Variants in EHBP1 observed in about 807,000 individuals in gnomAD.
The protein encoded by EHBP1 is EH domain-binding protein 1.
A neutral mutation model predicts 144.0 loss-of-function variants in EHBP1; 55 were observed. The ratio of observed to expected loss-of-function variants is 0.38; its 90% CI spans 0.31 to 0.48. The LOEUF (loss-of-function observed/expected upper bound fraction) is 0.48. Among genes scored for constraint, EHBP1 ranks in the 20% least tolerant of loss-of-function variants. The pLI is 0.98. For missense variants in EHBP1, 1,200 were observed against 1,364.2 expected (o/e 0.88, Z 1.90); for synonymous variants, 469 against 472.7 (o/e 0.99, Z 0.10).
intron 10 of EHBP1, among the ~76,000 whole-genome samples, chr2:62,937,855 G>T (rs2056481751): frequency 6.6e-6 from 1 of 152,098 alleles, no homozygotes; most frequent in African/African-American, 2.4e-5. Flanking sequence ...ACATCATTTT[G>T]TGTGTTCTTG....
chr2:62,704,967 C>A (rs868298339), upstream of EHBP1, among the ~76,000 whole-genome samples: 5 of 152,212 alleles, frequency 3.3e-5, 1 homozygote, highest in Middle Eastern at 0.017. Context: ...AGTCCGACAG[C>A]GAAGAGGAAA....
At chr2:62,759,248 A>G (rs2040558125) in intron 3 of EHBP1, among the ~76,000 whole-genome samples, 1 of 152,200 alleles carries the variant, frequency 6.6e-6, no homozygotes, top group African/African-American at 2.4e-5. Flanking sequence ...GATATTGGCA[A>G]ATGATTAAAT....
chr2:62,750,198 C>CT (rs1487401118), intron 3 of EHBP1, among the ~76,000 whole-genome samples: 4 of 151,990 alleles, frequency 2.6e-5, no homozygotes, highest in African/African-American at 9.7e-5. Flanking sequence ...AGCTTTCTAC[C>CT]TATGGCTAGC....
chr2:63,036,937 AT>A (rs1265271441), intron 19 of EHBP1, among the ~76,000 whole-genome samples: 4 of 149,880 alleles, frequency 2.7e-5, no homozygotes, highest in African/African-American at 7.3e-5. Context: ...TGTTCATTAA[AT>A]TTTTTTTTTC....
chr2:62,825,784 C>A (rs975502960), intron 5 of EHBP1, among the ~76,000 whole-genome samples: 21 of 152,006 alleles, frequency 1.4e-4, no homozygotes, highest in African/African-American at 5.1e-4. Flanking sequence ...CTCATAGTAA[C>A]CCTGGAGACT....
intron 2 of EHBP1, among the ~76,000 whole-genome samples, chr2:62,718,862 C>A (rs1453069265): frequency 6.6e-6 from 1 of 151,980 alleles, no homozygotes; most frequent in Non-Finnish European, 1.5e-5. Context: ...ATTTTAGCTG[C>A]CAAAATTAAC....
intron 1 of EHBP1, among the ~76,000 whole-genome samples, chr2:62,696,441 C>G (rs1334013968): frequency 4.0e-5 from 6 of 150,950 alleles, no homozygotes; most frequent in African/African-American, 7.3e-5. Flanking sequence ...GCTACCATGC[C>G]CAGCTTTTTT....
chr2:62,947,919 G>A (rs546254656), intron 12 of EHBP1, among the ~76,000 whole-genome samples: 1 of 152,194 alleles, frequency 6.6e-6, no homozygotes, highest in Admixed American at 6.5e-5. Context: ...GAAAAGAGAG[G>A]TTGATAGAAA....
chr2:62,819,747 G>A (rs2045749173), intron 5 of EHBP1, among the ~76,000 whole-genome samples: 1 of 149,964 alleles, frequency 6.7e-6, no homozygotes, highest in Non-Finnish European at 1.5e-5. Flanking sequence ...CTGGGTGACA[G>A]AGCGAGACTC....
intron 4 of EHBP1, among the ~76,000 whole-genome samples, chr2:62,769,986 A>C (rs1290636121): frequency 6.6e-6 from 1 of 152,028 alleles, no homozygotes; most frequent in Admixed American, 6.6e-5. Flanking sequence ...CTGAAGCTGG[A>C]CCCCTTTCTT....
chr2:63,008,267 T>G (rs1472901164), intron 19 of EHBP1, among the ~76,000 whole-genome samples: 1 of 151,698 alleles, frequency 6.6e-6, no homozygotes, highest in Non-Finnish European at 1.5e-5. Context: ...GACTAGCAAG[T>G]GATATGGCAG....
intron 21 of EHBP1, among the ~76,000 whole-genome samples, chr2:63,042,109 T>C (rs1366120078): frequency 6.6e-6 from 1 of 152,204 alleles, no homozygotes; most frequent in Non-Finnish European, 1.5e-5. Context: ...CAAGAGGATA[T>C]GGCTTTTGTA....
At chr2:62,893,721 G>C (rs1333052944) in intron 10 of EHBP1, among the ~76,000 whole-genome samples, 1 of 152,094 alleles carries the variant, frequency 6.6e-6, no homozygotes, top group African/African-American at 2.4e-5. Flanking sequence ...GGTGGGTATA[G>C]GTGGCGAGGT....
chr2:62,991,494 A>C (rs1159143278), intron 16 of EHBP1, among the ~76,000 whole-genome samples: 2 of 152,172 alleles, frequency 1.3e-5, no homozygotes, highest in African/African-American at 2.4e-5. Context: ...TTCTGCCTAT[A>C]TAGATGAACT....
At chr2:62,868,140 C>T (rs1470552870) in intron 9 of EHBP1, among the ~76,000 whole-genome samples, 1 of 151,932 alleles carries the variant, frequency 6.6e-6, no homozygotes, top group Non-Finnish European at 1.5e-5. Context: ...TTTGGGAGGC[C>T]GAGGCGGGCG....
At chr2:63,035,195 A>C (rs1347975035) in intron 19 of EHBP1, among the ~76,000 whole-genome samples, 1 of 152,040 alleles carries the variant, frequency 6.6e-6, no homozygotes, top group East Asian at 1.9e-4. Flanking sequence ...AAGAAATTTT[A>C]ATTTTTTTAG....
intron 7 of EHBP1, among the ~76,000 whole-genome samples, chr2:62,839,205 G>A (rs924488555): frequency 3.3e-5 from 5 of 152,018 alleles, no homozygotes; most frequent in African/African-American, 9.7e-5. Flanking sequence ...ATCAATAAAT[G>A]TAATCCAGCA....
At chr2:62,887,670 C>T (rs1417045090) in intron 10 of EHBP1, among the ~76,000 whole-genome samples, 14 of 151,866 alleles carry the variant, frequency 9.2e-5, no homozygotes. Context: ...AGCCCAGGAG[C>T]GGAGGTCGTG....
At chr2:62,688,810 G>T (rs2033808308) in intron 1 of EHBP1, among the ~76,000 whole-genome samples, 1 of 152,046 alleles carries the variant, frequency 6.6e-6, no homozygotes, top group African/African-American at 2.4e-5. Context: ...TTCTGAAATG[G>T]GCAAATCAAA....
Sources: allele counts gnomAD v4.1 joint callset (sites outside exome capture counted in the v4.1 genomes callset), GRCh38; gene constraint gnomAD v4.1.1; transcripts MANE v1.5; gene names NCBI Gene and HGNC (gene_info 2026-07-23, HGNC 2026-07-21).